The following CCDC33 variants were observed in gnomAD, a reference collection of about 807,000 sequenced individuals.
CCDC33 encodes coiled-coil domain containing 33.
A neutral mutation model predicts 91.9 loss-of-function variants in CCDC33; 94 were observed. The observed-to-expected ratio is 1.02, with a 90% CI of 0.87 to 1.21. The LOEUF (loss-of-function observed/expected upper bound fraction) is 1.21. Among genes scored for constraint, CCDC33 ranks in the 50% most tolerant of loss-of-function variants. The pLI is 0.00. For synonymous variants in CCDC33, 396 were observed against 374.5 expected, an observed-to-expected ratio of 1.06 and a Z score of -0.66; for missense variants, 940 against 935.5, an observed-to-expected ratio of 1.00 and a Z score of -0.06.
chr15:74,244,797 C>G lies in CCDC33; in HGVS notation c.185+649C>G, dbSNP rs1332379951. ...ACACAATCTCCATCCAGCCAACCTT[C>G]GCTGGGGACACTGAATATTTGCTCA... is the stretch of plus-strand genomic sequence containing the variant. On this transcript the variant is annotated intron_variant, in intron 2 of 18. Transcript: ENST00000398814. This position sits in a 1 kb window ranked among gnomAD's most constrained non-coding sequence, Gnocchi z 4.2. Among the ~76,000 whole-genome samples the G allele has an allele frequency of 1.3e-5, 2 of 152,226 alleles. No individual in the cohort carries two copies. The highest frequency in any genetic ancestry group is 6.5e-5 in the Admixed American group (1 of 15,284).
rs188263595 is a variant in CCDC33 at position 74,247,813 on chromosome 15, A to T, written c.185+3665A>T. Among the ~76,000 whole-genome samples the T allele has an allele frequency of 4.5e-4, 68 of 152,342 alleles. No individual in the cohort carries two copies. The East Asian group carries it at 0.011, about 25-fold the overall frequency. Reference sequence around the variant, plus strand: ...ATATTGTGGCTGGGCACGGTGGCTCATGCCTGTAATCCCAGCATTTTGGGA... The same window carrying T: ...ATATTGTGGCTGGGCACGGTGGCTCTTGCCTGTAATCCCAGCATTTTGGGA... On this transcript the variant is annotated intron_variant, in intron 2 of 18. Transcript: ENST00000398814.
intron 10 of CCDC33, among the ~76,000 whole-genome samples, chr15:74,282,295 G>T (rs1030555764): frequency 5.3e-5 from 8 of 152,202 alleles, no homozygotes; most frequent in African/African-American, 1.9e-4. Context: ...GGAGGAATCT[G>T]CTTCCAAATT....
chr15:74,292,853 G>A (rs1429521329), intron 10 of CCDC33, among the ~76,000 whole-genome samples: 3 of 152,170 alleles, frequency 2.0e-5, no homozygotes, highest in African/African-American at 7.2e-5. Context: ...TGCCTTGCCT[G>A]CCCTCCTTCC....
In CCDC33 at chr15:74,331,115, A is replaced by G; in HGVS notation, c.1677+3A>G. 6.2e-7 allele frequency: 1 copy of G among 1,613,284 alleles called. No individual in the cohort carries two copies. Among genetic ancestry groups the G allele is most frequent in the Non-Finnish European group, 8.5e-7 (1 of 1,179,524 alleles). On this transcript the variant is annotated splice_donor_region_variant and intron_variant, in intron 14 of 18. Transcript: ENST00000398814. ...AGACTGTGCGGCACCAAGAGAAGGC[A>G]GGTGGCAGAGGGGCTGCCCCCGAGG...
At chr15:74,222,765 C>T (rs942287215) in intron 2 of CCDC33, among the ~76,000 whole-genome samples, 3 of 150,974 alleles carry the variant, frequency 2.0e-5, no homozygotes, top group Non-Finnish European at 4.4e-5. Context: ...AGCGTCCCCT[C>T]GGCCACCCCT....
At chr15:74,226,742 C>G (rs1314141965) in intron 2 of CCDC33, among the ~76,000 whole-genome samples, 1 of 151,338 alleles carries the variant, frequency 6.6e-6, no homozygotes, top group Non-Finnish European at 1.5e-5. Flanking sequence ...GCAGGAGAAT[C>G]GCTTGAACCT....
intron 11 of CCDC33, among the ~76,000 whole-genome samples, chr15:74,323,487 C>T (rs1240767750): frequency 6.6e-6 from 1 of 151,780 alleles, no homozygotes; most frequent in African/African-American, 2.4e-5. Flanking sequence ...ACTCTGCCAG[C>T]TTTCTGTCCT....
intron 2 of CCDC33, among the ~76,000 whole-genome samples, chr15:74,229,941 G>A (rs891227739): frequency 6.6e-6 from 1 of 152,236 alleles, no homozygotes; most frequent in Non-Finnish European, 1.5e-5. Context: ...ATGTCCCTGA[G>A]GTCGGGTGGG....
At chr15:74,216,724 A>G (rs2074458073), upstream of CCDC33, among the ~76,000 whole-genome samples, 1 of 147,460 alleles carries the variant, frequency 6.8e-6, no homozygotes, top group Admixed American at 6.8e-5. Context: ...AGACTCCCCT[A>G]CACCCCAAGT....
intron 3 of CCDC33, 95 bp from the exon 4 acceptor site, chr15:74,266,583 C>T: frequency 1.1e-6 from 1 of 875,402 alleles, no homozygotes; most frequent in Non-Finnish European, 1.9e-6. Context: ...GCTCCCTACT[C>T]TCAACAATGT....
chr15:74,315,165 G>T (rs900799), intron 11 of CCDC33, among the ~76,000 whole-genome samples: 81,955 of 152,078 alleles, frequency 0.54, 24,262 homozygotes, highest in Non-Finnish European at 0.67. Flanking sequence ...GGGGACCAGG[G>T]AGGCATCTGG....
intron 11 of CCDC33, among the ~76,000 whole-genome samples, chr15:74,314,033 G>A (rs983632450): frequency 6.6e-6 from 1 of 152,164 alleles, no homozygotes; most frequent in East Asian, 1.9e-4. Context: ...CTGTGCTCCT[G>A]CTGTTCCCTG....
intron 1 of CCDC33, among the ~76,000 whole-genome samples, chr15:74,205,044 A>G (rs991098972): frequency 2.0e-5 from 3 of 152,200 alleles, no homozygotes; most frequent in Admixed American, 2.0e-4. Flanking sequence ...CAAGGCCTGC[A>G]CCAAATGGAA....
intron 9 of CCDC33, among the ~76,000 whole-genome samples, chr15:74,281,055 G>A (rs770276289): frequency 6.6e-6 from 1 of 152,242 alleles, no homozygotes; most frequent in Non-Finnish European, 1.5e-5. Flanking sequence ...ACAAGTACAG[G>A]GTGACCCTGT....
chr15:74,299,318 G>A (rs1430238602), intron 11 of CCDC33, among the ~76,000 whole-genome samples: 1 of 152,190 alleles, frequency 6.6e-6, no homozygotes, highest in African/African-American at 2.4e-5. Context: ...GCCCTGGTTT[G>A]CTATCGGGTT....
At chr15:74,262,134 T>C (rs937819371) in intron 2 of CCDC33, among the ~76,000 whole-genome samples, 8 of 152,014 alleles carry the variant, frequency 5.3e-5, no homozygotes, top group African/African-American at 1.9e-4. Flanking sequence ...TGGCAAGGGC[T>C]AGGAAGTCAG....
chr15:74,258,474 A>C (rs889094506), intron 2 of CCDC33, among the ~76,000 whole-genome samples: 1 of 152,176 alleles, frequency 6.6e-6, no homozygotes, highest in Non-Finnish European at 1.5e-5. Flanking sequence ...GCCAGAGGCC[A>C]ACAGGACAGG....
At chr15:74,258,420 C>T (rs752342577) in intron 2 of CCDC33, among the ~76,000 whole-genome samples, 5 of 152,180 alleles carry the variant, frequency 3.3e-5, no homozygotes, top group Admixed American at 1.3e-4. Flanking sequence ...GCCCAGGAGG[C>T]GGCCAGGTCT....
At chr15:74,254,842 G>A (rs980405816) in intron 2 of CCDC33, among the ~76,000 whole-genome samples, 3 of 151,032 alleles carry the variant, frequency 2.0e-5, no homozygotes, top group Non-Finnish European at 4.4e-5. Flanking sequence ...CCACCTCTGG[G>A]GTTCAAGCAA....
Sources: allele counts gnomAD v4.1 joint callset (sites outside exome capture counted in the v4.1 genomes callset), GRCh38; gene constraint gnomAD v4.1.1; non-coding constraint Gnocchi (gnomAD v3.1); transcripts MANE v1.5; gene names NCBI Gene and HGNC (gene_info 2026-07-23, HGNC 2026-07-21).